CNTNAP2: variants seen among roughly 807,000 people sequenced by gnomAD.
CNTNAP2 encodes the protein contactin associated protein 2, also known as contactin-associated protein-like 2.
CNTNAP2 carries 98 observed loss-of-function variants against 155.2 expected under a neutral mutation model. The ratio of observed to expected loss-of-function variants is 0.63; its 90% CI spans 0.54 to 0.75. The LOEUF is 0.75. Among genes scored for constraint, CNTNAP2 ranks in the 30% least tolerant of loss-of-function variants. The pLI is 0.00. For missense variants in CNTNAP2, 1,727 were observed against 1,688.1 expected (o/e 1.02, Z -0.40); for synonymous variants, 651 against 631.2 (o/e 1.03, Z -0.47).
chr7:147,955,675 C>A (rs549414098), intron 14 of CNTNAP2, among the ~76,000 whole-genome samples: 11 of 152,098 alleles, frequency 7.2e-5, no homozygotes, highest in Middle Eastern at 3.2e-3. Context: ...CTGCTCCCCA[C>A]CTCAGCTATC....
chr7:146,663,018 C>G (rs2129166366), intron 1 of CNTNAP2, among the ~76,000 whole-genome samples: 1 of 152,172 alleles, frequency 6.6e-6, no homozygotes. Context: ...TGGCTTATGC[C>G]TGGAATTCCA....
At chr7:146,376,855 T>G (rs1280064179) in intron 1 of CNTNAP2, among the ~76,000 whole-genome samples, 2 of 152,110 alleles carry the variant, frequency 1.3e-5, no homozygotes, top group African/African-American at 4.8e-5. Context: ...TAAGCCCTTT[T>G]GCCCTTCTGC....
chr7:146,591,167 A>T (rs1435057314), intron 1 of CNTNAP2, among the ~76,000 whole-genome samples: 2 of 152,200 alleles, frequency 1.3e-5, no homozygotes, highest in Non-Finnish European at 2.9e-5. Context: ...GGCTGTGTGT[A>T]TATGGTATAT....
intron 2 of CNTNAP2, among the ~76,000 whole-genome samples, chr7:146,796,630 C>T (rs1443023628): frequency 2.6e-5 from 4 of 151,914 alleles, no homozygotes; most frequent in Non-Finnish European, 4.4e-5. Flanking sequence ...CTTAGAGGGC[C>T]GACTATGACT....
chr7:147,423,181 C>A (rs1180738469), intron 10 of CNTNAP2, among the ~76,000 whole-genome samples: 3 of 152,124 alleles, frequency 2.0e-5, no homozygotes, highest in African/African-American at 7.2e-5. Flanking sequence ...AAGGCACATT[C>A]TGTCCACCCT....
chr7:148,168,034 T>A (rs201815260), intron 17 of CNTNAP2, among the ~76,000 whole-genome samples: 1 of 152,208 alleles, frequency 6.6e-6, no homozygotes, highest in Non-Finnish European at 1.5e-5. Context: ...AATATCTCCA[T>A]TCTCAATCAT....
intron 19 of CNTNAP2, among the ~76,000 whole-genome samples, chr7:148,221,967 G>A (rs1437852395): frequency 6.6e-6 from 1 of 152,210 alleles, no homozygotes; most frequent in East Asian, 1.9e-4. Flanking sequence ...TATTTGAATG[G>A]TACCAGGGTA....
At chr7:147,104,853 A>G (rs1171342622) in intron 4 of CNTNAP2, among the ~76,000 whole-genome samples, 1 of 131,658 alleles carries the variant, frequency 7.6e-6, no homozygotes, top group Non-Finnish European at 1.6e-5. Context: ...CACTGTCTTT[A>G]TTCTTCTCCC....
chr7:146,901,030 G>GTAATAATAATAATAA (rs66815254), intron 3 of CNTNAP2, among the ~76,000 whole-genome samples: 3 of 149,572 alleles, frequency 2.0e-5, no homozygotes, highest in Non-Finnish European at 4.5e-5. Context: ...GATTAAAGTA[G>GTAATAATAATAATAA]TAATAATAAT....
intron 8 of CNTNAP2, among the ~76,000 whole-genome samples, chr7:147,228,273 G>C (rs978612217): frequency 5.9e-5 from 9 of 152,122 alleles, no homozygotes; most frequent in Admixed American, 5.9e-4. Context: ...TGGGTAATAG[G>C]TACAGAGGAA....
intron 11 of CNTNAP2, among the ~76,000 whole-genome samples, chr7:147,517,983 G>T (rs1360407686): frequency 1.3e-5 from 2 of 152,142 alleles, no homozygotes; most frequent in Non-Finnish European, 2.9e-5. Context: ...CCAGGTTGGA[G>T]TGCAGTGGCG....
intron 1 of CNTNAP2, among the ~76,000 whole-genome samples, chr7:146,665,735 T>C (rs7781215): frequency 0.8 from 114,941 of 143,138 alleles, 46,774 homozygotes; most frequent in South Asian, 0.91. Context: ...GAGCCGAGAC[T>C]GTGCCATTGC....
At chr7:148,175,304 T>C (rs1186839536) in intron 18 of CNTNAP2, among the ~76,000 whole-genome samples, 8 of 152,202 alleles carry the variant, frequency 5.3e-5, no homozygotes, top group Non-Finnish European at 4.4e-5. Context: ...CATTATTTTT[T>C]CTTCTTTGGA....
In CNTNAP2 at chr7:148,075,413, G is replaced by A. The variant is rs146068891; in HGVS notation, c.2384-42705G>A. Among the ~76,000 whole-genome samples the A allele has an allele frequency of 7.0e-3, 1,062 of 151,940 alleles. 3 individuals carry two copies. The highest frequency in any genetic ancestry group is 0.017 in the Middle Eastern group (5 of 294). Reference sequence around the variant, plus strand: ...GATCGTGCCACTGCACTCCAGCCTGGGTGACACAGCAAAACTTAATCTCAA... The same window carrying A: ...GATCGTGCCACTGCACTCCAGCCTGAGTGACACAGCAAAACTTAATCTCAA... On this transcript the variant is annotated intron_variant, in intron 15 of 23. Coordinates refer to ENST00000361727, the MANE Select transcript of CNTNAP2 (RefSeq NM_014141.6).
At chr7:146,940,915 T>C (rs1797043323) in intron 3 of CNTNAP2, among the ~76,000 whole-genome samples, 2 of 152,136 alleles carry the variant, frequency 1.3e-5, no homozygotes, top group African/African-American at 4.8e-5. Context: ...ATAATTACCA[T>C]CTTTGTCTCT....
At chr7:147,083,842 ATAT>A (rs1465755063) in intron 4 of CNTNAP2, among the ~76,000 whole-genome samples, 2 of 141,512 alleles carry the variant, frequency 1.4e-5, no homozygotes, top group Non-Finnish European at 3.0e-5. Flanking sequence ...ATGTATGTAC[ATAT>A]TATATACATA....
chr7:146,505,849 C>A (rs1165781798), intron 1 of CNTNAP2, among the ~76,000 whole-genome samples: 2 of 152,188 alleles, frequency 1.3e-5, no homozygotes, highest in Non-Finnish European at 2.9e-5. Context: ...AGTGCCTCTA[C>A]TGGGGCCTGG....
intron 13 of CNTNAP2, among the ~76,000 whole-genome samples, chr7:147,720,473 A>G (rs1796548357): frequency 6.6e-6 from 1 of 152,166 alleles, no homozygotes; most frequent in Non-Finnish European, 1.5e-5. Context: ...GTGCCAAGTT[A>G]CAAAGTTTAT....
chr7:146,323,231 G>C (rs1801036595), intron 1 of CNTNAP2, among the ~76,000 whole-genome samples: 1 of 152,078 alleles, frequency 6.6e-6, no homozygotes, highest in African/African-American at 2.4e-5. Context: ...GTATTTTCTT[G>C]AGAATGTTAT....
Sources: allele counts gnomAD v4.1 joint callset (sites outside exome capture counted in the v4.1 genomes callset), GRCh38; gene constraint gnomAD v4.1.1; transcripts MANE v1.5; gene names NCBI Gene and HGNC (gene_info 2026-07-23, HGNC 2026-07-21).